GOLGB1: variants seen among roughly 807,000 people sequenced by gnomAD.
The protein encoded by GOLGB1 is golgin subfamily B member 1.
A neutral mutation model predicts 336.9 loss-of-function variants in GOLGB1; 174 were observed. That is an observed-to-expected ratio of 0.52 (90% CI 0.46 to 0.59). GOLGB1 has a LOEUF of 0.59. GOLGB1 is among the 20% of genes least tolerant of loss of function. The pLI is 0.00. For missense variants in GOLGB1, 3,331 were observed against 3,645.3 expected, an observed-to-expected ratio of 0.91 and a Z score of 2.22; for synonymous variants, 1,208 against 1,289.2, an observed-to-expected ratio of 0.94 and a Z score of 1.35.
rs869189384 is a variant in GOLGB1 at position 121,727,320 on chromosome 3, ATT to A, written c.403-281_403-280del. Among the ~76,000 whole-genome samples, 223 of 28,262 alleles carry A rather than the reference ATT, an allele frequency of 7.9e-3. 1 individual carries two copies. The highest frequency in any genetic ancestry group is 0.011 in the Non-Finnish European group (178 of 15,912). 18.5% of individuals were successfully genotyped at this position (28,262 alleles called of 152,430 possible). ...TATATATATATATATATATATATAT[ATT>A]TTTTTTTTTTTTTTTTTTTTTTTTT... On this transcript the variant is annotated intron_variant, in intron 4 of 21. Coordinates refer to ENST00000614479, the MANE Select transcript of GOLGB1 (RefSeq NM_001366282.2).
In GOLGB1 at chr3:121,729,173, A is replaced by G; in HGVS notation, c.402+15T>C. On this transcript the variant is annotated intron_variant, in intron 4 of 21. Coordinates refer to ENST00000614479, the MANE Select transcript of GOLGB1 (RefSeq NM_001366282.2). ...TTTCAACTTAGGAAATATACACTACACCCAGTCACCATACCTTGGAAAGTT... is the reference window on the plus strand; with the variant it reads ...TTTCAACTTAGGAAATATACACTACGCCCAGTCACCATACCTTGGAAAGTT... 6.3e-7 allele frequency: 1 copy of G among 1,587,680 alleles called. No individual in the cohort carries two copies. The highest frequency in any genetic ancestry group is 8.6e-7 in the Non-Finnish European group (1 of 1,166,958).
chr3:121,716,708 G>A, intron 9 of GOLGB1, 29 bp downstream of exon 9: 1 of 1,555,602 alleles, frequency 6.4e-7, no homozygotes, highest in Non-Finnish European at 8.7e-7. Context: ...TGGTAGAGAT[G>A]TGGACTTCAA....
Position 121,698,705 on chromosome 3 carries a change from C to T in GOLGB1, c.1818G>A (p.Met606Ile). 1 of 1,613,752 alleles carries T rather than the reference C, an allele frequency of 6.2e-7. No homozygotes were observed. Among genetic ancestry groups the T allele is most frequent in the Non-Finnish European group, 8.5e-7 (1 of 1,179,778 alleles). Reference protein sequence around the residue: ...EVLDQKEMKQMEGEGIAPIKM... With the variant: ...EVLDQKEMKQIEGEGIAPIKM... ...TAATTGGAGCTATTCCCTCACCCTC[C>T]ATCTGTTTCATTTCTTTCTGGTCAA... The change falls in exon 13 of 22, where the codon ATG becomes ATA. Residue 606 changes from methionine (M) to isoleucine (I), a missense_variant. By Grantham distance (10) the Met-to-Ile change is conservative. Coordinates refer to ENST00000614479, the MANE Select transcript of GOLGB1 (RefSeq NM_001366282.2).
At chr3:121,669,478 T>C (rs1939187275) in intron 17 of GOLGB1, 123 bp from the exon 18 acceptor site, 6 of 696,614 alleles carry the variant, frequency 8.6e-6, no homozygotes, top group Admixed American at 3.2e-5. Context: ...ACAGCAACAA[T>C]AGCACTTTGT....
rs551588604 is a variant in GOLGB1, at chr3:121,704,479, T to G, written c.1405-1884A>C. On this transcript the variant is annotated intron_variant, in intron 10 of 21. Transcript: ENST00000614479. ...GGCCAGAAGAGGGAAACACCTTCTT[T>G]AAAGTACTGAAAGAAAGGCTGGACA... Among the ~76,000 whole-genome samples, 14 of 152,262 alleles carry G rather than the reference T, an allele frequency of 9.2e-5. No individual in the cohort carries two copies. In the East Asian group the frequency reaches 2.1e-3, roughly 23 times the overall value.
rs1394616448 is a variant in GOLGB1 at position 121,730,990 on chromosome 3, G to C, written c.-2-17C>G. The C allele has an allele frequency of 6.2e-7, 1 of 1,605,032 alleles. No homozygotes were observed. On this transcript the variant is annotated splice_polypyrimidine_tract_variant and intron_variant, in intron 1 of 21. Transcript: ENST00000614479. ...TCAGCATTTCTGTAGGAAAAGAAGG[G>C]GGGAAAAAACCTAAGAATCAGCAAA... is the stretch of plus-strand genomic sequence containing the variant.
intron 5 of GOLGB1, 111 bp downstream of exon 5, chr3:121,726,802 T>C: frequency 4.3e-6 from 3 of 694,810 alleles, no homozygotes; most frequent in Non-Finnish European, 4.6e-6. Flanking sequence ...GACTGATATA[T>C]ACATAGATAA....
intron 1 of GOLGB1, chr3:121,749,052 C>A (rs1267767361): frequency 3.8e-6 from 1 of 260,536 alleles, no homozygotes. Context: ...TCGTTGGGAT[C>A]TTTCCTCTCT....
intron 11 of GOLGB1, among the ~76,000 whole-genome samples, chr3:121,701,247 C>T (rs1576366121): frequency 6.6e-6 from 1 of 152,278 alleles, no homozygotes; most frequent in Admixed American, 6.5e-5. Flanking sequence ...TATAATACCT[C>T]CAAACCATGT....
intron 11 of GOLGB1, 67 bp from the exon 12 acceptor site, chr3:121,699,952 G>A (rs1943256669): frequency 4.5e-6 from 4 of 885,896 alleles, no homozygotes; most frequent in Non-Finnish European, 7.2e-6. Context: ...AGGATTGCAT[G>A]TGAAGCTATT....
At chr3:121,727,185 A>C (rs1405343160) in intron 4 of GOLGB1, 144 bp from the exon 5 acceptor site, 4 of 406,506 alleles carry the variant, frequency 9.8e-6, no homozygotes, top group Non-Finnish European at 1.7e-5. Context: ...TGATCTAACA[A>C]ATAAGAAATC....
chr3:121,668,814 A>C (rs1939082493), intron 18 of GOLGB1, among the ~76,000 whole-genome samples: 1 of 151,832 alleles, frequency 6.6e-6, no homozygotes, highest in Admixed American at 6.6e-5. Context: ...CTCCATACTA[A>C]TTCTCAGTCT....
chr3:121,730,017 C>G lies in GOLGB1; in HGVS notation c.97G>C (p.Glu33Gln). Reference protein sequence around the residue: ...DQNMRAPLDPELHQESDMEFN... With the variant: ...DQNMRAPLDPQLHQESDMEFN... ...TCCATGTCAGATTCTTGGTGTAATT[C>G]CTAATATTTAGGAAAAAAGTTGCCA... Residue 33 changes from glutamate (E) to glutamine (Q), a missense_variant and splice_region_variant, in exon 3 of 22, where the codon GAA becomes CAA. Glu to Gln is a conservative substitution (Grantham distance 29). Transcript: ENST00000614479. 6.2e-7 allele frequency: 1 copy of G among 1,604,500 alleles called. No individual in the cohort carries two copies. The highest frequency in any genetic ancestry group is 8.5e-7 in the Non-Finnish European group (1 of 1,176,074).
At chr3:121,745,275 T>C (rs1947172411) in intron 1 of GOLGB1, among the ~76,000 whole-genome samples, 1 of 143,124 alleles carries the variant, frequency 7.0e-6, no homozygotes, top group Non-Finnish European at 1.5e-5. Context: ...TGTATGTATA[T>C]GTATATATAC....
intron 10 of GOLGB1, among the ~76,000 whole-genome samples, chr3:121,710,103 GA>G (rs4048702): frequency 0.011 from 1,481 of 131,190 alleles, 28 homozygotes; most frequent in East Asian, 0.067. Flanking sequence ...GCACCGGGTG[GA>G]AAAAAAAAAA....
intron 1 of GOLGB1, among the ~76,000 whole-genome samples, chr3:121,739,454 G>C (rs983857384): frequency 6.6e-6 from 1 of 151,932 alleles, no homozygotes; most frequent in Non-Finnish European, 1.5e-5. Context: ...CATTAAAAAT[G>C]ACATAAGATG....
intron 10 of GOLGB1, among the ~76,000 whole-genome samples, chr3:121,710,914 T>C (rs561994890): frequency 1.3e-5 from 2 of 151,606 alleles, no homozygotes; most frequent in South Asian, 2.1e-4. Flanking sequence ...GCGCAGTGGC[T>C]CACGCCTGTA....
At chr3:121,681,336 T>C (rs2107667104) in intron 15 of GOLGB1, among the ~76,000 whole-genome samples, 1 of 152,336 alleles carries the variant, frequency 6.6e-6, no homozygotes, top group African/African-American at 2.4e-5. Context: ...AAGGGAGGAA[T>C]GTGACTATAA....
At chr3:121,677,263 A>G (rs191079517) in intron 16 of GOLGB1, 22 bp downstream of exon 16, 259 of 1,553,516 alleles carry the variant, frequency 1.7e-4, no homozygotes, top group Admixed American at 7.1e-4. Flanking sequence ...TCTGAGTAAC[A>G]ATCAGCATTG....
Sources: allele counts gnomAD v4.1 joint callset (sites outside exome capture counted in the v4.1 genomes callset), GRCh38; gene constraint gnomAD v4.1.1; transcripts MANE v1.5; gene names NCBI Gene and HGNC (gene_info 2026-07-23, HGNC 2026-07-21).